Variants in GULP1 observed in about 807,000 individuals in gnomAD.
The protein encoded by GULP1 is PTB domain-containing engulfment adapter protein 1.
A neutral mutation model predicts 40.9 loss-of-function variants in GULP1; 19 were observed. The ratio of observed to expected loss-of-function variants is 0.46; its 90% CI spans 0.32 to 0.68. The LOEUF (loss-of-function observed/expected upper bound fraction) is 0.68. Ranked by LOEUF, GULP1 falls within the 30% of genes least tolerant of loss-of-function variation. The pLI is 0.03. For synonymous variants in GULP1, 119 were observed against 117.6 expected (o/e 1.01, Z -0.08); for missense variants, 312 against 362.2 (o/e 0.86, Z 1.12).
At chr2:188,396,659 C>T (rs2051315362) in intron 2 of GULP1, among the ~76,000 whole-genome samples, 1 of 152,200 alleles carries the variant, frequency 6.6e-6, no homozygotes, top group African/African-American at 2.4e-5. Context: ...CTGGGACGTC[C>T]AGCTCCTGTA....
At chr2:188,490,686 C>T (rs1243909665) in intron 4 of GULP1, among the ~76,000 whole-genome samples, 1 of 152,024 alleles carries the variant, frequency 6.6e-6, no homozygotes, top group Non-Finnish European at 1.5e-5. Context: ...TATCTATGTC[C>T]TTAAATGCTT....
chr2:188,437,141 A>G (rs994622533), intron 2 of GULP1, among the ~76,000 whole-genome samples: 10 of 152,254 alleles, frequency 6.6e-5, no homozygotes, highest in South Asian at 4.1e-4. Context: ...TACTGATAGG[A>G]TGAATATCTT....
chr2:188,490,600 A>G (rs2153092102), intron 4 of GULP1, among the ~76,000 whole-genome samples: 1 of 152,210 alleles, frequency 6.6e-6, no homozygotes, highest in African/African-American at 2.4e-5. Context: ...TCCATGAAGT[A>G]TTGCATCTTT....
rs1704183836 is a variant in GULP1, at chr2:188,594,675, G to C, written c.*664G>C. 6.6e-6 allele frequency: 1 copy of C among 151,506 alleles called. No individual in the cohort carries two copies. The highest frequency in any genetic ancestry group is 2.1e-4 in the South Asian group (1 of 4,822). 9.4% of individuals were successfully genotyped at this position (151,506 alleles called of 1,614,324 possible). ...CAGTTATACTCTAAATATTTAATTT[G>C]TTTTATAAAGGTAGTGAAAAAATGA... On this transcript the variant is annotated 3_prime_UTR_variant, in exon 12 of 12. Transcript: ENST00000409830.
At chr2:188,570,413 T>C (rs1249005812) in intron 9 of GULP1, among the ~76,000 whole-genome samples, 1 of 152,192 alleles carries the variant, frequency 6.6e-6, no homozygotes, top group Non-Finnish European at 1.5e-5. Context: ...TGGCATATTC[T>C]TCTTTTGTTT....
chr2:188,313,301 G>A (rs1255511882), intron 1 of GULP1, among the ~76,000 whole-genome samples: 1 of 152,246 alleles, frequency 6.6e-6, no homozygotes, highest in East Asian at 1.9e-4. Context: ...TTTGCATCAG[G>A]TGTAAGGAAG....
At chr2:188,409,864 A>C (rs2053637218) in intron 2 of GULP1, among the ~76,000 whole-genome samples, 1 of 152,196 alleles carries the variant, frequency 6.6e-6, no homozygotes, top group South Asian at 2.1e-4. Flanking sequence ...AATCCCTATG[A>C]AAACAGCAAA....
chr2:188,462,619 T>G (rs112663136), intron 2 of GULP1, among the ~76,000 whole-genome samples: 3 of 152,302 alleles, frequency 2.0e-5, no homozygotes, highest in African/African-American at 7.2e-5. Flanking sequence ...CATATATATT[T>G]AAAATTGTTA....
At chr2:188,537,788 G>A (rs1031300703) in intron 6 of GULP1, among the ~76,000 whole-genome samples, 1 of 152,066 alleles carries the variant, frequency 6.6e-6, no homozygotes, top group African/African-American at 2.4e-5. Flanking sequence ...AGGTATAGTA[G>A]AACTTGGCTG....
At chr2:188,362,534 A>T (rs2046234665) in intron 1 of GULP1, among the ~76,000 whole-genome samples, 1 of 152,124 alleles carries the variant, frequency 6.6e-6, no homozygotes, top group Non-Finnish European at 1.5e-5. Context: ...CACTGAACAG[A>T]TGTGAAATTT....
intron 1 of GULP1, among the ~76,000 whole-genome samples, chr2:188,322,788 C>T (rs1334231709): frequency 6.6e-6 from 1 of 152,152 alleles, no homozygotes; most frequent in Non-Finnish European, 1.5e-5. Context: ...CACTACTTCC[C>T]TGACCCTGAC....
At chr2:188,467,580 G>T (rs183895956) in intron 2 of GULP1, among the ~76,000 whole-genome samples, 1 of 151,780 alleles carries the variant, frequency 6.6e-6, no homozygotes, top group East Asian at 1.9e-4. Flanking sequence ...TAATACATCC[G>T]TAAGCTGTAC....
At chr2:188,463,619 A>C (rs192326507) in intron 2 of GULP1, among the ~76,000 whole-genome samples, 1 of 151,950 alleles carries the variant, frequency 6.6e-6, no homozygotes. Context: ...CCTTCTCTTT[A>C]AGGCTAATAA....
chr2:188,439,016 G>A (rs926626105), intron 2 of GULP1, among the ~76,000 whole-genome samples: 2 of 151,806 alleles, frequency 1.3e-5, no homozygotes, highest in African/African-American at 4.8e-5. Context: ...TGTTAAATTA[G>A]GAATATTATT....
At chr2:188,578,493 A>T (rs894423755) in intron 9 of GULP1, among the ~76,000 whole-genome samples, 5 of 151,808 alleles carry the variant, frequency 3.3e-5, no homozygotes, top group African/African-American at 1.2e-4. Context: ...TAGGTAACAG[A>T]CCTTCATGTT....
chr2:188,479,881 T>G (rs1559289468), intron 3 of GULP1, among the ~76,000 whole-genome samples: 1 of 152,158 alleles, frequency 6.6e-6, no homozygotes, highest in Non-Finnish European at 1.5e-5. Context: ...TGGAGTGATT[T>G]GGAGAATCAA....
Position 188,466,035 on chromosome 2 carries a change from G to A in GULP1, c.-44-11624G>A, listed in dbSNP as rs145118396. On this transcript the variant is annotated intron_variant, in intron 2 of 11. Coordinates refer to ENST00000409830, the MANE Select transcript of GULP1 (RefSeq NM_016315.4). ...GTGTCCTCACTGGGGGGACAATTGAGAGAGCCTTCTATTTTGCCATTTTGT... is the reference window on the plus strand; with the variant it reads ...GTGTCCTCACTGGGGGGACAATTGAAAGAGCCTTCTATTTTGCCATTTTGT... Among the ~76,000 whole-genome samples, 657 of 151,982 alleles carry A rather than the reference G, an allele frequency of 4.3e-3. 8 individuals carry two copies. Among genetic ancestry groups the A allele is most frequent in the African/African-American group, 0.015 (632 of 41,462 alleles).
intron 1 of GULP1, among the ~76,000 whole-genome samples, chr2:188,348,800 A>G (rs2044051687): frequency 6.6e-6 from 1 of 152,168 alleles, no homozygotes; most frequent in Non-Finnish European, 1.5e-5. Flanking sequence ...TGGTATCTGT[A>G]GGGGGGCCCT....
intron 1 of GULP1, among the ~76,000 whole-genome samples, chr2:188,341,739 T>C (rs184277798): frequency 2.6e-5 from 4 of 152,352 alleles, no homozygotes; most frequent in Non-Finnish European, 5.9e-5. Context: ...ATCACATTTC[T>C]TTCTCAAAAG....
Sources: allele counts gnomAD v4.1 joint callset (sites outside exome capture counted in the v4.1 genomes callset), GRCh38; gene constraint gnomAD v4.1.1; transcripts MANE v1.5; gene names NCBI Gene and HGNC (gene_info 2026-07-23, HGNC 2026-07-21).